Variants in APBB2 observed in about 807,000 individuals in gnomAD.
APBB2 encodes amyloid beta precursor protein binding family B member 2.
APBB2 carries 38 observed loss-of-function variants against 82.5 expected under a neutral mutation model. The observed-to-expected ratio is 0.46, with a 90% CI of 0.36 to 0.60. APBB2 has a LOEUF of 0.60. Ranked by LOEUF, APBB2 falls within the 20% of genes least tolerant of loss-of-function variation. The pLI is 0.00. For missense variants in APBB2, 772 were observed against 972.3 expected, an observed-to-expected ratio of 0.79 and a Z score of 2.74; for synonymous variants, 341 against 368.2, an observed-to-expected ratio of 0.93 and a Z score of 0.85.
At chr4:41,198,439 T>C in intron 1 of APBB2, among the ~76,000 whole-genome samples, 2 of 152,208 alleles carry the variant, frequency 1.3e-5, no homozygotes, top group African/African-American at 2.4e-5. Context: ...TGAAATATAA[T>C]AGCAGCAAGC....
At chr4:41,086,793 A>G (rs1291931631) in intron 3 of APBB2, among the ~76,000 whole-genome samples, 1 of 152,242 alleles carries the variant, frequency 6.6e-6, no homozygotes, top group Non-Finnish European at 1.5e-5. Flanking sequence ...TCTTATCAAC[A>G]TAGTAGTAGA....
chr4:40,910,847 G>A (rs565729151), intron 10 of APBB2, among the ~76,000 whole-genome samples: 5 of 152,386 alleles, frequency 3.3e-5, no homozygotes, highest in East Asian at 1.9e-4. Context: ...CTGCATCACC[G>A]GAGGGATAAT....
intron 2 of APBB2, among the ~76,000 whole-genome samples, chr4:41,121,464 G>C (rs140124648): frequency 1.4e-3 from 208 of 152,370 alleles, no homozygotes; most frequent in Non-Finnish European, 2.4e-3. Context: ...GGGAGCGTGC[G>C]TGTGTACACG....
chr4:40,954,305 C>G (rs73152307), intron 6 of APBB2, among the ~76,000 whole-genome samples: 1 of 152,108 alleles, frequency 6.6e-6, no homozygotes, highest in East Asian at 1.9e-4. Flanking sequence ...AGATTTCCCT[C>G]GGGTCCTTAG....
At chr4:41,163,558 T>C (rs1254555667) in intron 1 of APBB2, among the ~76,000 whole-genome samples, 1 of 152,184 alleles carries the variant, frequency 6.6e-6, no homozygotes, top group Non-Finnish European at 1.5e-5. Context: ...ATTATCCCTA[T>C]AGTTCCTCAA....
At chr4:41,113,000 A>G (rs985922004) in intron 2 of APBB2, among the ~76,000 whole-genome samples, 2 of 152,010 alleles carry the variant, frequency 1.3e-5, no homozygotes, top group Non-Finnish European at 2.9e-5. Context: ...AAAAAAAACA[A>G]TGTGGTTTCA....
intron 10 of APBB2, among the ~76,000 whole-genome samples, chr4:40,933,360 G>A (rs576682540): frequency 6.6e-6 from 1 of 152,246 alleles, no homozygotes; most frequent in East Asian, 1.9e-4. Flanking sequence ...GGTAAATCAA[G>A]CCAGGAACCC....
At chr4:41,166,447 A>G (rs6447677) in intron 1 of APBB2, among the ~76,000 whole-genome samples, 66,561 of 151,608 alleles carry the variant, frequency 0.44, 16,135 homozygotes, top group African/African-American at 0.67. Context: ...GCATAGTGGC[A>G]TGTACCTGTA....
intron 1 of APBB2, 71 bp downstream of exon 1, chr4:41,214,334 C>T (rs934451684): frequency 2.0e-5 from 3 of 152,266 alleles, no homozygotes; most frequent in Non-Finnish European, 4.4e-5. Context: ...TGCCGCTACC[C>T]GGGTGTTTCC....
chr4:40,974,119 TG>T (rs1177789934), intron 6 of APBB2, among the ~76,000 whole-genome samples: 1 of 152,080 alleles, frequency 6.6e-6, no homozygotes, highest in Non-Finnish European at 1.5e-5. Flanking sequence ...CCAAAAGTGC[TG>T]GGATTACAGG....
At chr4:40,916,972 C>T (rs905008764) in intron 10 of APBB2, among the ~76,000 whole-genome samples, 9 of 152,292 alleles carry the variant, frequency 5.9e-5, no homozygotes, top group East Asian at 3.9e-4. Context: ...CATGATACCA[C>T]GTCCCTGGGC....
intron 10 of APBB2, among the ~76,000 whole-genome samples, chr4:40,895,544 AGT>A (rs201953671): frequency 0.011 from 1,672 of 152,318 alleles, 38 homozygotes; most frequent in African/African-American, 0.038. Context: ...CTCAGACCAA[AGT>A]GTGTTTCTCC....
intron 4 of APBB2, among the ~76,000 whole-genome samples, chr4:41,035,617 T>C (rs1475016564): frequency 6.6e-6 from 1 of 152,088 alleles, no homozygotes; most frequent in Non-Finnish European, 1.5e-5. Flanking sequence ...AAAAAAGGCA[T>C]ACTAGTGTGA....
chr4:41,154,136 C>G (rs1762921917), intron 1 of APBB2, among the ~76,000 whole-genome samples: 1 of 152,144 alleles, frequency 6.6e-6, no homozygotes, highest in African/African-American at 2.4e-5. Context: ...TGCAAGAAAT[C>G]ATTTGCTAAA....
In APBB2 at chr4:41,202,788, C is replaced by T. The variant is rs73810888; in HGVS notation, c.-417+11617G>A. On this transcript the variant is annotated intron_variant, in intron 1 of 17. Transcript: ENST00000508593. ...CTCCTGTTGTAGAAATAAGTTTAAA[C>T]TACCTGAAGTTTCGCTGATATAAAG... Among the ~76,000 whole-genome samples, 1,428 of 152,300 alleles carry T rather than the reference C, an allele frequency of 9.4e-3. 14 individuals carry two copies. Among genetic ancestry groups the T allele is most frequent in the African/African-American group, 0.032 (1,349 of 41,560 alleles).
intron 10 of APBB2, among the ~76,000 whole-genome samples, chr4:40,907,377 A>ATTTTTTT (rs1777245642): frequency 1.8e-4 from 5 of 28,284 alleles, no homozygotes; most frequent in African/African-American, 9.6e-4. Flanking sequence ...ATATATATAT[A>ATTTTTTT]TATTTTTTTT....
At chr4:40,967,594 C>T (rs542128196) in intron 6 of APBB2, among the ~76,000 whole-genome samples, 1 of 152,296 alleles carries the variant, frequency 6.6e-6, no homozygotes, top group South Asian at 2.1e-4. Flanking sequence ...GAGCTGCCTG[C>T]CCCACCACAG....
chr4:40,942,104 A>T (rs552602831), intron 7 of APBB2, among the ~76,000 whole-genome samples: 2 of 152,070 alleles, frequency 1.3e-5, no homozygotes, highest in Admixed American at 1.3e-4. Flanking sequence ...TATCTGCTCA[A>T]CTCTTTGCCT....
At chr4:40,946,131 T>G (rs1379739916) in intron 6 of APBB2, among the ~76,000 whole-genome samples, 3 of 145,770 alleles carry the variant, frequency 2.1e-5, no homozygotes, top group African/African-American at 7.7e-5. Context: ...ACTCGGGAGG[T>G]GGAGGCAGGA....
Sources: gnomAD v4.1 joint callset for allele counts (sites outside exome capture counted in the v4.1 genomes callset) on GRCh38, gnomAD v4.1.1 for gene constraint, MANE v1.5 for transcripts, NCBI Gene and HGNC (gene_info 2026-07-23, HGNC 2026-07-21) for gene names.